Variants in GLYATL1 observed in about 807,000 individuals in gnomAD.
The protein encoded by GLYATL1 is glycine N-acyltransferase-like protein 1.
A neutral mutation model predicts 20.0 loss-of-function variants in GLYATL1; 15 were observed. The ratio of observed to expected loss-of-function variants is 0.75; its 90% CI spans 0.50 to 1.15. The LOEUF (loss-of-function observed/expected upper bound fraction) is 1.15. GLYATL1 is among the 50% of genes most tolerant of loss of function. GLYATL1 has a pLI of 0.00. For synonymous variants in GLYATL1, 151 were observed against 131.5 expected (o/e 1.15, Z -1.01); for missense variants, 380 against 368.5 (o/e 1.03, Z -0.26).
upstream of GLYATL1, among the ~76,000 whole-genome samples, chr11:58,938,776 C>T (rs1416748121): frequency 6.6e-6 from 1 of 152,078 alleles, no homozygotes; most frequent in East Asian, 1.9e-4. Context: ...CCCTCTGCAC[C>T]CCATATGCAC....
chr11:58,907,703 T>G (rs1324796113), exon 2 of GLYATL1: 2 of 195,294 alleles, frequency 1.0e-5, no homozygotes, highest in Non-Finnish European at 2.1e-5. Context: ...TATCAAGCTT[T>G]GTTAATTTCA....
intron 1 of GLYATL1, among the ~76,000 whole-genome samples, chr11:58,921,747 CCTT>C (rs1855314419): frequency 1.3e-5 from 2 of 152,188 alleles, no homozygotes; most frequent in African/African-American, 2.4e-5. Flanking sequence ...CGTTCAGCCT[CCTT>C]CTTTGCCTTC....
At chr11:58,924,891 G>A (rs1025511842), upstream of GLYATL1, among the ~76,000 whole-genome samples, 3 of 152,220 alleles carry the variant, frequency 2.0e-5, no homozygotes, top group Admixed American at 2.0e-4. Flanking sequence ...CTGACAAAAG[G>A]CAGATTCAGA....
intron 1 of GLYATL1, chr11:58,943,247 C>A: frequency 6.6e-7 from 1 of 1,512,500 alleles, no homozygotes; most frequent in Non-Finnish European, 8.8e-7. Context: ...TAACAATACT[C>A]CAGTGTTGGC....
chr11:58,927,274 C>T (rs57549228), upstream of GLYATL1, among the ~76,000 whole-genome samples: 6,250 of 152,258 alleles, frequency 0.041, 404 homozygotes, highest in African/African-American at 0.14. Flanking sequence ...TGGCTATTAT[C>T]TGAAAAGAGG....
Position 58,944,732 on chromosome 11 carries a change from A to G in GLYATL1, c.-43+1066A>G, listed in dbSNP as rs547231124. ...TTATAATTGCTTTTCTGTAGTCTTCACAGTGACCACTGACTGTGTGCTACT... is the reference window on the plus strand; with the variant it reads ...TTATAATTGCTTTTCTGTAGTCTTCGCAGTGACCACTGACTGTGTGCTACT... On this transcript the variant is annotated intron_variant, in intron 2 of 6. Transcript: ENST00000532726. Among the ~76,000 whole-genome samples the G allele has an allele frequency of 2.0e-3, 311 of 152,246 alleles. 2 individuals carry two copies. Among genetic ancestry groups the G allele is most frequent in the African/African-American group, 7.1e-3 (295 of 41,558 alleles).
At chr11:58,932,890 G>C (rs772650016) in intron 1 of GLYATL1, among the ~76,000 whole-genome samples, 11 of 152,212 alleles carry the variant, frequency 7.2e-5, no homozygotes, top group Non-Finnish European at 1.3e-4. Context: ...CACACTGTAT[G>C]CCTCTAATGA....
At chr11:58,921,016 T>C (rs959334137) in intron 1 of GLYATL1, among the ~76,000 whole-genome samples, 3 of 152,186 alleles carry the variant, frequency 2.0e-5, no homozygotes, top group African/African-American at 7.2e-5. Context: ...CTTAGTTAGG[T>C]CTGGCAGTCC....
At chr11:58,925,691 G>T (rs1177097641), upstream of GLYATL1, among the ~76,000 whole-genome samples, 1 of 152,064 alleles carries the variant, frequency 6.6e-6, no homozygotes, top group East Asian at 1.9e-4. Flanking sequence ...AAAACTGCTG[G>T]TTTTATGCCT....
At chr11:58,917,834 A>G (rs1565118318) in intron 1 of GLYATL1, among the ~76,000 whole-genome samples, 1 of 152,238 alleles carries the variant, frequency 6.6e-6, no homozygotes, top group Non-Finnish European at 1.5e-5. Flanking sequence ...TCCAGAGCAC[A>G]TTCCTTTCAG....
chr11:58,941,157 A>T (rs1407416553), intron 1 of GLYATL1, among the ~76,000 whole-genome samples: 1 of 149,822 alleles, frequency 6.7e-6, no homozygotes, highest in African/African-American at 2.4e-5. Flanking sequence ...GTCATTTAGC[A>T]TTAGGTATAT....
At chr11:58,915,773 C>G (rs899920640) in intron 1 of GLYATL1, among the ~76,000 whole-genome samples, 2 of 152,188 alleles carry the variant, frequency 1.3e-5, no homozygotes, top group African/African-American at 4.8e-5. Context: ...GAGCAAAGCC[C>G]TGCTGGAACT....
At chr11:58,954,746 C>T in intron 4 of GLYATL1, 24 bp from the exon 5 acceptor site, 1 of 1,561,314 alleles carries the variant, frequency 6.4e-7, no homozygotes, top group Non-Finnish European at 8.7e-7. Flanking sequence ...AGGGAATGAC[C>T]TGATCTTATA....
Position 58,943,217 on chromosome 11 carries a change from A to G in GLYATL1, c.-166-326A>G, listed in dbSNP as rs188106712. 3.5e-6 allele frequency: 5 copies of G among 1,441,466 alleles called. No homozygotes were observed. The Admixed American group carries it at 1.4e-4, about 41-fold the overall frequency. The allele number at this position is 1,441,466 out of a possible 1,614,324, so 89.3% of individuals were successfully genotyped here. ...AATCATCAGACAAAATTGAAAACCTAATTTAGTAGTGTGCACCTGTAACAA... is the reference window on the plus strand; with the variant it reads ...AATCATCAGACAAAATTGAAAACCTGATTTAGTAGTGTGCACCTGTAACAA... On this transcript the variant is annotated intron_variant, in intron 1 of 6. Transcript: ENST00000532726.
At chr11:58,953,390 G>GTTTTTTTTTTTTTTTTTT (rs377318573) in intron 4 of GLYATL1, among the ~76,000 whole-genome samples, 2 of 110,974 alleles carry the variant, frequency 1.8e-5, no homozygotes, top group African/African-American at 3.4e-5. Context: ...CTTACAGTCT[G>GTTTTTTTTTTTTTTTTTT]TTTTTTTTTT....
downstream of GLYATL1, among the ~76,000 whole-genome samples, chr11:58,911,629 T>A (rs888134555): frequency 2.0e-5 from 3 of 152,240 alleles, no homozygotes; most frequent in Admixed American, 2.0e-4. Context: ...AAATGTCTAT[T>A]AAAATATTTT....
upstream of GLYATL1, among the ~76,000 whole-genome samples, chr11:58,926,073 ATATCT>A (rs1455590430): frequency 6.6e-6 from 1 of 152,160 alleles, no homozygotes; most frequent in African/African-American, 2.4e-5. Flanking sequence ...ATACACACAC[ATATCT>A]TAGTTTTCCA....
chr11:58,914,087 A>G (rs1481763454), intron 1 of GLYATL1, among the ~76,000 whole-genome samples: 1 of 152,200 alleles, frequency 6.6e-6, no homozygotes, highest in Non-Finnish European at 1.5e-5. Context: ...GGTCAGGGAA[A>G]CACAAGGTTT....
At chr11:58,930,416 T>C (rs976573789) in intron 1 of GLYATL1, among the ~76,000 whole-genome samples, 4 of 152,114 alleles carry the variant, frequency 2.6e-5, no homozygotes, top group Non-Finnish European at 5.9e-5. Flanking sequence ...AAGATAATAT[T>C]TGAGGATTGA....
Sources: allele counts gnomAD v4.1 joint callset (sites outside exome capture counted in the v4.1 genomes callset), GRCh38; gene constraint gnomAD v4.1.1; transcripts MANE v1.5; gene names NCBI Gene and HGNC (gene_info 2026-07-23, HGNC 2026-07-21).